The following RAF1 variants were observed in gnomAD, a reference collection of about 807,000 sequenced individuals.
RAF1 encodes the protein RAF proto-oncogene serine/threonine-protein kinase.
Under a neutral mutation model 81.1 loss-of-function variants are expected in RAF1, and 27 were observed. That is an observed-to-expected ratio of 0.33 (90% confidence interval 0.25 to 0.46). RAF1 has a LOEUF of 0.46. RAF1 is among the 20% of genes least tolerant of loss of function. The probability of loss-of-function intolerance (pLI) is 1.00; values close to 1 mark genes in which losing one functional copy is unlikely to be tolerated. For synonymous variants in RAF1, 298 were observed against 294.0 expected (o/e 1.01, Z -0.14); for missense variants, 598 against 826.0 (o/e 0.72, Z 3.38).
At chr3:12,655,000 A>ACCGC (rs2060642275) in intron 1 of RAF1, among the ~76,000 whole-genome samples, 1 of 128,120 alleles carries the variant, frequency 7.8e-6, no homozygotes, top group South Asian at 3.1e-4. Flanking sequence ...ACATAGTGAG[A>ACCGC]CCCCCCCCCC....
Position 12,604,180 on chromosome 3 carries a change from G to A in RAF1, c.790C>T (p.His264Tyr), listed in dbSNP as rs2125397450. 1 of 1,614,134 alleles carries A rather than the reference G, an allele frequency of 6.2e-7. No individual in the cohort carries two copies. ...ACAGGCAGGGTGGTGCTGACCATGTGGACATTAGGTGTGGATGTCGACCTC... is the reference window on the plus strand; with the variant it reads ...ACAGGCAGGGTGGTGCTGACCATGTAGACATTAGGTGTGGATGTCGACCTC... The change falls in exon 7 of 18, where the codon CAC (histidine) becomes TAC (tyrosine). Residue 264 changes from histidine to tyrosine, a missense_variant. Coordinates refer to ENST00000442415, the MANE Select transcript of RAF1 (RefSeq NM_001354689.3).
At chr3:12,626,238 C>G (rs1165118459) in intron 1 of RAF1, among the ~76,000 whole-genome samples, 1 of 129,650 alleles carries the variant, frequency 7.7e-6, no homozygotes, top group Non-Finnish European at 1.6e-5. Context: ...GAGCAAAACT[C>G]TGTCTCAAAA....
intron 2 of RAF1, among the ~76,000 whole-genome samples, chr3:12,617,151 C>T (rs1255406297): frequency 6.6e-6 from 1 of 152,090 alleles, no homozygotes; most frequent in Non-Finnish European, 1.5e-5. Flanking sequence ...CTCACCCTTT[C>T]GCCCAGGCTG....
intron 14 of RAF1, chr3:12,586,741 C>T (rs965572769): frequency 6.6e-6 from 1 of 152,176 alleles, no homozygotes; most frequent in African/African-American, 2.4e-5. Flanking sequence ...ATTAAAAATA[C>T]CTTTCTTCAT....
intron 1 of RAF1, among the ~76,000 whole-genome samples, chr3:12,626,001 C>T (rs1219749063): frequency 6.6e-6 from 1 of 151,890 alleles, no homozygotes; most frequent in East Asian, 1.9e-4. Context: ...CGCAGTGGCT[C>T]ACGCCTGTAA....
At chr3:12,610,217 A>G (rs559582840) in intron 3 of RAF1, among the ~76,000 whole-genome samples, 53 of 152,234 alleles carry the variant, frequency 3.5e-4, no homozygotes, top group Non-Finnish European at 6.6e-4. Flanking sequence ...TAAAGAGAAA[A>G]TAACATGTAT....
In RAF1 at chr3:12,630,896, T is replaced by C. The variant is rs574872532; in HGVS notation, c.-26-12149A>G. Among the ~76,000 whole-genome samples the C allele has an allele frequency of 2.6e-5, 4 of 152,294 alleles. No individual in the cohort carries two copies. In the East Asian group the frequency reaches 7.7e-4, roughly 29 times the overall value. On this transcript the variant is annotated intron_variant, in intron 1 of 17. Transcript: ENST00000442415. ...TCTGCTCACTGCAACCTCTGCTTCC[T>C]GGGTTCAAGCGATTCTCCCACCTCA...
At chr3:12,625,599 A>C (rs927142471) in intron 1 of RAF1, among the ~76,000 whole-genome samples, 3 of 152,220 alleles carry the variant, frequency 2.0e-5, no homozygotes, top group African/African-American at 7.2e-5. Flanking sequence ...AAGCCACAGA[A>C]CTAAAATTGG....
At chr3:12,607,244 G>A (rs1024631670) in intron 5 of RAF1, among the ~76,000 whole-genome samples, 1 of 152,174 alleles carries the variant, frequency 6.6e-6, no homozygotes, top group African/African-American at 2.4e-5. Flanking sequence ...AGCCTCATAA[G>A]AACAATGCAA....
chr3:12,586,301 T>C (rs1213445668), intron 14 of RAF1, among the ~76,000 whole-genome samples: 1 of 152,126 alleles, frequency 6.6e-6, no homozygotes, highest in Non-Finnish European at 1.5e-5. Flanking sequence ...TAGTAAGAAA[T>C]TCCTCACTAG....
rs1247363594 is a variant in RAF1, at chr3:12,584,976, G to A, written c.1734C>T (p.Ile578=). Residue 578 remains isoleucine, a synonymous_variant, in exon 17 of 18, where the codon ATC becomes ATT. Transcript: ENST00000442415. ...AGGCATATCCTCGGCCCACCATGAA[G>A]ATGATCTAAGGGAAAGAAAACAGCT... 6.2e-6 allele frequency: 10 copies of A among 1,614,032 alleles called. No individual in the cohort carries two copies. The highest frequency in any genetic ancestry group is 1.3e-5 in the African/African-American group (1 of 74,926).
intron 1 of RAF1, among the ~76,000 whole-genome samples, chr3:12,627,831 A>AC (rs1365046874): frequency 6.6e-6 from 1 of 152,246 alleles, no homozygotes; most frequent in Admixed American, 6.5e-5. Context: ...TTAGAAAGTT[A>AC]GAGTGTGGCC....
At chr3:12,627,021 C>CAAAAAAAA (rs34692000) in intron 1 of RAF1, among the ~76,000 whole-genome samples, 1 of 76,998 alleles carries the variant, frequency 1.3e-5, no homozygotes, top group Non-Finnish European at 2.8e-5. Flanking sequence ...GACTCTGTCT[C>CAAAAAAAA]AAAAAAAAAA....
chr3:12,662,894 T>A (rs2060924523), intron 1 of RAF1, among the ~76,000 whole-genome samples: 1 of 151,992 alleles, frequency 6.6e-6, no homozygotes, highest in Non-Finnish European at 1.5e-5. Context: ...GTCTCTCCAC[T>A]CAGCCCACAG....
intron 14 of RAF1, 46 bp downstream of exon 13, chr3:12,587,544 TA>T: frequency 6.5e-7 from 1 of 1,547,758 alleles, no homozygotes; most frequent in Non-Finnish European, 8.9e-7. Flanking sequence ...TCTGTTTCCC[TA>T]AATTTAGAAC....
intron 1 of RAF1, among the ~76,000 whole-genome samples, chr3:12,650,788 T>C (rs1224608850): frequency 3.3e-5 from 5 of 152,160 alleles, no homozygotes; most frequent in African/African-American, 9.7e-5. Flanking sequence ...GGAAGACAAG[T>C]AGGCCTACAA....
intron 11 of RAF1, chr3:12,592,009 C>T (rs2058530853): frequency 1.7e-6 from 1 of 583,880 alleles, no homozygotes; most frequent in African/African-American, 1.9e-5. Flanking sequence ...ACCTCCAGGG[C>T]TTAAGCAATC....
At chr3:12,585,409 G>C in intron 15 of RAF1, 156 bp from the exon 15 acceptor site, 1 of 985,324 alleles carries the variant, frequency 1.0e-6, no homozygotes, top group Admixed American at 6.2e-5. Flanking sequence ...CTCAGGCACT[G>C]GTTAAAACAG....
intron 1 of RAF1, among the ~76,000 whole-genome samples, chr3:12,655,000 A>ACCG (rs2060642275): frequency 7.8e-6 from 1 of 128,120 alleles, no homozygotes; most frequent in South Asian, 3.1e-4. Context: ...ACATAGTGAG[A>ACCG]CCCCCCCCCC....
Sources: gnomAD v4.1 joint callset for allele counts (sites outside exome capture counted in the v4.1 genomes callset) on GRCh38, gnomAD v4.1.1 for gene constraint, MANE v1.5 for transcripts, NCBI Gene and HGNC (gene_info 2026-07-23, HGNC 2026-07-21) for gene names.